ROR1: variants seen among roughly 807,000 people sequenced by gnomAD.
The protein encoded by ROR1 is ROR family WNT receptor 1.
A neutral mutation model predicts 78.8 loss-of-function variants in ROR1; 19 were observed. That is an observed-to-expected ratio of 0.24 (90% CI 0.17 to 0.35). ROR1 has a LOEUF of 0.35. Ranked by LOEUF, ROR1 falls within the 10% of genes least tolerant of loss-of-function variation. The pLI is 1.00. For synonymous variants in ROR1, 386 were observed against 433.6 expected (o/e 0.89, Z 1.36); for missense variants, 917 against 1,177.8 (o/e 0.78, Z 3.24).
At chr1:63,792,776 A>C (rs1050924069) in intron 1 of ROR1, among the ~76,000 whole-genome samples, 4 of 105,810 alleles carry the variant, frequency 3.8e-5, no homozygotes, top group Admixed American at 1.2e-4. Context: ...GAAACTTGCA[A>C]CTTACTTAAC....
At chr1:64,021,141 T>C (rs1340327028) in intron 2 of ROR1, among the ~76,000 whole-genome samples, 1 of 151,294 alleles carries the variant, frequency 6.6e-6, no homozygotes, top group African/African-American at 2.5e-5. Flanking sequence ...AAATAACTCA[T>C]GATTTCATTA....
rs552401118 is a variant in ROR1, at chr1:63,929,363, C to T, written c.92-79942C>T. Among the ~76,000 whole-genome samples, 27 of 152,182 alleles carry T rather than the reference C, an allele frequency of 1.8e-4. No individual in the cohort carries two copies. The South Asian group carries it at 4.4e-3, about 25-fold the overall frequency. ...CCAAATCCCATTTATTCTTTAAATC[C>T]CATCTCAAATATCACCTCCCCTAGG... On this transcript the variant is annotated intron_variant, in intron 1 of 8. Coordinates refer to ENST00000371079, the MANE Select transcript of ROR1 (RefSeq NM_005012.4).
intron 4 of ROR1, among the ~76,000 whole-genome samples, chr1:64,067,160 G>A (rs918865976): frequency 6.6e-6 from 1 of 151,794 alleles, no homozygotes; most frequent in Non-Finnish European, 1.5e-5. Context: ...GACCAGCCTG[G>A]GCAATGTGGC....
chr1:64,038,247 G>A (rs1016572357), intron 2 of ROR1, among the ~76,000 whole-genome samples: 1 of 151,990 alleles, frequency 6.6e-6, no homozygotes, highest in Non-Finnish European at 1.5e-5. Context: ...GGGTTTCTCC[G>A]CCTCTCCACT....
At chr1:63,924,944 T>TC (rs998461391) in intron 1 of ROR1, among the ~76,000 whole-genome samples, 15 of 141,204 alleles carry the variant, frequency 1.1e-4, no homozygotes, top group Non-Finnish European at 1.9e-4. Context: ...TTTTTTTTTT[T>TC]TTTTTTTTTT....
chr1:64,011,353 T>C (rs56249193), intron 2 of ROR1, among the ~76,000 whole-genome samples: 4,540 of 152,350 alleles, frequency 0.03, 255 homozygotes, highest in African/African-American at 0.1. Context: ...ACTTAGTACC[T>C]GCTCTGTGCC....
intron 1 of ROR1, among the ~76,000 whole-genome samples, chr1:63,917,396 C>A (rs1480376436): frequency 6.6e-6 from 1 of 152,082 alleles, no homozygotes; most frequent in Non-Finnish European, 1.5e-5. Flanking sequence ...CAAAGAAAAG[C>A]CACTTTCCAT....
At chr1:63,860,602 C>T (rs1015884356) in intron 1 of ROR1, among the ~76,000 whole-genome samples, 2 of 148,770 alleles carry the variant, frequency 1.3e-5, no homozygotes, top group African/African-American at 5.1e-5. Flanking sequence ...CACACACACA[C>T]ACATACACAC....
intron 4 of ROR1, among the ~76,000 whole-genome samples, chr1:64,126,719 G>A (rs967819631): frequency 3.3e-5 from 5 of 152,134 alleles, no homozygotes; most frequent in African/African-American, 9.7e-5. Flanking sequence ...ACTCAGCAAT[G>A]CCAAGTTCAG....
chr1:64,114,364 A>G (rs1418506742), intron 4 of ROR1, among the ~76,000 whole-genome samples: 4 of 152,198 alleles, frequency 2.6e-5, no homozygotes, highest in Non-Finnish European at 5.9e-5. Flanking sequence ...GCAAAAGCTC[A>G]AAGGCTTAAT....
intron 8 of ROR1, among the ~76,000 whole-genome samples, chr1:64,160,354 A>G (rs986462746): frequency 6.6e-6 from 1 of 151,908 alleles, no homozygotes; most frequent in Non-Finnish European, 1.5e-5. Context: ...TTATAAAGTC[A>G]TATTTATTAA....
intron 4 of ROR1, among the ~76,000 whole-genome samples, chr1:64,124,195 G>T (rs1648637427): frequency 6.6e-6 from 1 of 151,926 alleles, no homozygotes; most frequent in Admixed American, 6.6e-5. Context: ...TCCCTTCTTT[G>T]TGCTTCTATT....
intron 1 of ROR1, among the ~76,000 whole-genome samples, chr1:63,817,412 A>G (rs1394075149): frequency 6.6e-6 from 1 of 152,236 alleles, no homozygotes; most frequent in East Asian, 1.9e-4. Context: ...CTTGATGTGC[A>G]TAAACCATGC....
intron 4 of ROR1, 80 bp from the exon 5 acceptor site, chr1:64,137,289 A>C: frequency 6.7e-7 from 1 of 1,503,742 alleles, no homozygotes; most frequent in East Asian, 2.3e-5. Flanking sequence ...GTGACTATTT[A>C]GGGTATCGCG....
chr1:64,137,297 G>A (rs1306400878), intron 4 of ROR1, 72 bp from the exon 5 acceptor site: 6 of 1,553,174 alleles, frequency 3.9e-6, no homozygotes, highest in Middle Eastern at 1.7e-4. Context: ...TTAGGGTATC[G>A]CGCAGTCAGA....
chr1:64,099,923 C>T (rs989265683), intron 4 of ROR1, among the ~76,000 whole-genome samples: 16 of 152,126 alleles, frequency 1.1e-4, no homozygotes, highest in East Asian at 1.9e-4. Flanking sequence ...GACGTGGTGG[C>T]GCGTGCCTGT....
intron 2 of ROR1, among the ~76,000 whole-genome samples, chr1:64,018,442 T>G (rs1481625013): frequency 1.3e-5 from 2 of 152,126 alleles, no homozygotes; most frequent in Non-Finnish European, 2.9e-5. Context: ...CTTCACCACT[T>G]CCAAGAAGAC....
chr1:64,034,738 G>A (rs1207518295), intron 2 of ROR1, among the ~76,000 whole-genome samples: 1 of 152,026 alleles, frequency 6.6e-6, no homozygotes, highest in Non-Finnish European at 1.5e-5. Flanking sequence ...GAGGGTCAGG[G>A]GATGTGTTTT....
chr1:63,840,630 T>C lies in ROR1; in HGVS notation c.91+66122T>C, dbSNP rs1266847086. 2.6e-5 allele frequency among the ~76,000 whole-genome samples: 4 copies of C among 152,126 alleles called. No individual in the cohort carries two copies. The East Asian group carries it at 7.7e-4, about 29-fold the overall frequency. On this transcript the variant is annotated intron_variant, in intron 1 of 8. Transcript: ENST00000371079. ...CTTCCAATTCTGAGTAAATAGTATT[T>C]GTATAATAGTTGTGAGTTGAAGGCA...
Sources: allele counts gnomAD v4.1 joint callset (sites outside exome capture counted in the v4.1 genomes callset), GRCh38; gene constraint gnomAD v4.1.1; transcripts MANE v1.5; gene names NCBI Gene and HGNC (gene_info 2026-07-23, HGNC 2026-07-21).